Variants in TMEM132D observed in about 807,000 individuals in gnomAD.
The protein encoded by TMEM132D is transmembrane protein 132D, also known as mature OL transmembrane protein.
Under a neutral mutation model 62.3 loss-of-function variants are expected in TMEM132D, and 21 were observed. That is an observed-to-expected ratio of 0.34 (90% CI 0.24 to 0.49). TMEM132D has a LOEUF of 0.49. Among genes scored for constraint, TMEM132D ranks in the 20% least tolerant of loss-of-function variants. The pLI is 0.99. For synonymous variants in TMEM132D, 621 were observed against 575.6 expected (o/e 1.08, Z -1.13); for missense variants, 1,346 against 1,402.8 (o/e 0.96, Z 0.65).
At chr12:129,462,203 G>A (rs1045026496) in intron 3 of TMEM132D, among the ~76,000 whole-genome samples, 8 of 152,196 alleles carry the variant, frequency 5.3e-5, no homozygotes, top group Admixed American at 2.6e-4. Flanking sequence ...TATTAAAGGC[G>A]CTTCTTGTTC....
intron 1 of TMEM132D, among the ~76,000 whole-genome samples, chr12:129,705,792 T>C (rs952676636): frequency 6.6e-6 from 1 of 152,028 alleles, no homozygotes; most frequent in African/African-American, 2.4e-5. Context: ...ACCCCACACA[T>C]TGAAAATAGT....
At chr12:129,890,870 T>C (rs1221823554) in intron 1 of TMEM132D, among the ~76,000 whole-genome samples, 1 of 152,176 alleles carries the variant, frequency 6.6e-6, no homozygotes, top group East Asian at 1.9e-4. Context: ...ACCTCTGATG[T>C]TTCCTGTTGA....
At position 129,074,192 on chromosome 12, in the gene TMEM132D, T is replaced by C. The variant is rs2135602130; in HGVS notation, c.2983A>G (p.Met995Val). ...DEQITAIDRG[M>V]DFEESKYLLS... is the part of the protein sequence containing the mutation. Reference sequence around the variant, plus strand: ...AGATATTTACTTTCCTCGAAATCCATGCCCCTGTCAATGGCAGTGATTTGC... The same window carrying C: ...AGATATTTACTTTCCTCGAAATCCACGCCCCTGTCAATGGCAGTGATTTGC... The change falls in exon 9 of 9, where the codon ATG (methionine) becomes GTG (valine). Residue 995 changes from methionine to valine, a missense_variant. Transcript: ENST00000422113. The C allele has an allele frequency of 1.2e-6, 2 of 1,614,086 alleles. No homozygotes were observed. Among genetic ancestry groups the C allele is most frequent in the Admixed American group, 1.7e-5 (1 of 60,022 alleles).
At chr12:129,077,941 C>T (rs1874332568) in intron 8 of TMEM132D, among the ~76,000 whole-genome samples, 1 of 152,128 alleles carries the variant, frequency 6.6e-6, no homozygotes, top group African/African-American at 2.4e-5. Flanking sequence ...TATACATATG[C>T]ACACAACACA....
chr12:129,358,620 A>C (rs949404615), intron 3 of TMEM132D, among the ~76,000 whole-genome samples: 1 of 152,230 alleles, frequency 6.6e-6, no homozygotes, highest in Non-Finnish European at 1.5e-5. Flanking sequence ...TAAATAAACA[A>C]TCACATCAAC....
intron 2 of TMEM132D, among the ~76,000 whole-genome samples, chr12:129,538,370 A>G (rs1027204671): frequency 1.3e-5 from 2 of 152,176 alleles, no homozygotes; most frequent in Non-Finnish European, 2.9e-5. Flanking sequence ...GGCTAACCCC[A>G]GGAGGCTTTA....
chr12:129,374,782 G>A (rs1169739747), intron 3 of TMEM132D, among the ~76,000 whole-genome samples: 1 of 152,118 alleles, frequency 6.6e-6, no homozygotes, highest in African/African-American at 2.4e-5. Context: ...CTGCAGACCC[G>A]ACAATATGTC....
chr12:129,600,557 G>A (rs1299434671), intron 2 of TMEM132D, among the ~76,000 whole-genome samples: 3 of 152,150 alleles, frequency 2.0e-5, no homozygotes, highest in Non-Finnish European at 2.9e-5. Context: ...ACTATCTCTG[G>A]CAGCCATAGC....
chr12:129,774,428 G>A (rs1870854236), intron 1 of TMEM132D, among the ~76,000 whole-genome samples: 1 of 152,094 alleles, frequency 6.6e-6, no homozygotes, highest in African/African-American at 2.4e-5. Context: ...TGCCAGGAAG[G>A]GATTTTCATG....
chr12:129,202,935 C>T (rs1030695110), intron 5 of TMEM132D, among the ~76,000 whole-genome samples: 3 of 152,092 alleles, frequency 2.0e-5, no homozygotes, highest in Non-Finnish European at 2.9e-5. Context: ...TGCTGTCAAA[C>T]ATATTTAAGC....
intron 3 of TMEM132D, among the ~76,000 whole-genome samples, chr12:129,488,367 A>G (rs1057476432): frequency 7.2e-5 from 11 of 152,128 alleles, no homozygotes; most frequent in African/African-American, 2.7e-4. Flanking sequence ...TGATGTTAAC[A>G]TGTACTTTCA....
intron 1 of TMEM132D, among the ~76,000 whole-genome samples, chr12:129,841,993 C>G (rs1389205615): frequency 6.7e-6 from 1 of 148,712 alleles, no homozygotes; most frequent in Non-Finnish European, 1.5e-5. Context: ...TACAGTGGCG[C>G]GATCTCGGCT....
At chr12:129,348,407 G>A in intron 3 of TMEM132D, among the ~76,000 whole-genome samples, 1 of 152,170 alleles carries the variant, frequency 6.6e-6, no homozygotes, top group South Asian at 2.1e-4. Flanking sequence ...CCTTTGCAGG[G>A]ACATGGATGA....
At chr12:129,190,111 AGGGGTCTTGGGGGCCTGCAGATGG>A (rs1565992280) in intron 5 of TMEM132D, among the ~76,000 whole-genome samples, 4 of 23,504 alleles carry the variant, frequency 1.7e-4, no homozygotes, top group East Asian at 2.7e-3. Context: ...AGATGGAGGG[AGGGGTCTTGGGGGCCTGCAGATGG>A]AGGGAGGGGG....
At chr12:129,762,108 T>C (rs1870398813) in intron 1 of TMEM132D, among the ~76,000 whole-genome samples, 1 of 152,160 alleles carries the variant, frequency 6.6e-6, no homozygotes, top group African/African-American at 2.4e-5. Context: ...ACTGCACACT[T>C]AAGCCCCTGG....
chr12:129,654,680 C>T (rs576531818), intron 2 of TMEM132D, among the ~76,000 whole-genome samples: 52 of 152,244 alleles, frequency 3.4e-4, no homozygotes, highest in Admixed American at 3.3e-3. Flanking sequence ...TTTGGACCCT[C>T]GGCTTGCTGA....
chr12:129,723,585 A>T (rs141089740), intron 1 of TMEM132D, among the ~76,000 whole-genome samples: 1 of 152,286 alleles, frequency 6.6e-6, no homozygotes, highest in East Asian at 1.9e-4. Flanking sequence ...GCTGCTGCCA[A>T]CAGTCCTTCC....
At chr12:129,361,476 G>C (rs1325109794) in intron 3 of TMEM132D, among the ~76,000 whole-genome samples, 1 of 152,162 alleles carries the variant, frequency 6.6e-6, no homozygotes, top group Non-Finnish European at 1.5e-5. Context: ...AGGGCAAATG[G>C]AGAAACTGCA....
intron 1 of TMEM132D, among the ~76,000 whole-genome samples, chr12:129,791,779 G>T (rs957336661): frequency 6.6e-6 from 1 of 152,082 alleles, no homozygotes; most frequent in Non-Finnish European, 1.5e-5. Flanking sequence ...GTTAGCTACT[G>T]ATTCTTTGAA....
Sources: allele counts gnomAD v4.1 joint callset (sites outside exome capture counted in the v4.1 genomes callset), GRCh38; gene constraint gnomAD v4.1.1; transcripts MANE v1.5; gene names NCBI Gene and HGNC (gene_info 2026-07-23, HGNC 2026-07-21).